Variants in TNS3 observed in about 807,000 individuals in gnomAD.
TNS3 encodes tensin-3.
TNS3 carries 45 observed loss-of-function variants against 140.9 expected under a neutral mutation model. The observed-to-expected ratio is 0.32, with a 90% CI of 0.25 to 0.41. TNS3 has a LOEUF of 0.41. Ranked by LOEUF, TNS3 falls within the 10% of genes least tolerant of loss-of-function variation. The pLI, the probability that TNS3 is intolerant of heterozygous loss-of-function variation, is 1.00. For missense variants in TNS3, 1,716 were observed against 1,906.7 expected (o/e 0.90, Z 1.86); for synonymous variants, 815 against 788.4 (o/e 1.03, Z -0.56).
intron 1 of TNS3, among the ~76,000 whole-genome samples, chr7:47,548,708 C>T (rs1799985610): frequency 6.6e-6 from 1 of 152,106 alleles, no homozygotes; most frequent in Non-Finnish European, 1.5e-5. Flanking sequence ...ACCCCCAGGC[C>T]GGCTGTCACC....
At chr7:47,292,470 TCAA>T (rs925168129) in intron 26 of TNS3, among the ~76,000 whole-genome samples, 3 of 152,238 alleles carry the variant, frequency 2.0e-5, no homozygotes, top group African/African-American at 7.2e-5. Context: ...TCATCTAAGT[TCAA>T]CAACATCAAC....
intron 20 of TNS3, among the ~76,000 whole-genome samples, chr7:47,338,450 C>A (rs935379156): frequency 6.6e-6 from 1 of 152,218 alleles, no homozygotes; most frequent in Non-Finnish European, 1.5e-5. Context: ...CATCTTTTCA[C>A]GTGCTCATAA....
chr7:47,498,964 T>C (rs1300901875), intron 3 of TNS3, among the ~76,000 whole-genome samples: 1 of 152,250 alleles, frequency 6.6e-6, no homozygotes, highest in Non-Finnish European at 1.5e-5. Flanking sequence ...ACGCACTTCC[T>C]CAGTTGACAG....
At chr7:47,520,859 G>A (rs1014040505) in intron 2 of TNS3, among the ~76,000 whole-genome samples, 2 of 152,228 alleles carry the variant, frequency 1.3e-5, no homozygotes, top group Non-Finnish European at 2.9e-5. Flanking sequence ...GTGGGGCTGG[G>A]CTTGCCCTCA....
intron 1 of TNS3, among the ~76,000 whole-genome samples, chr7:47,548,762 A>G (rs1251775616): frequency 6.6e-6 from 1 of 151,978 alleles, no homozygotes; most frequent in Admixed American, 6.6e-5. Context: ...GACCACTCCA[A>G]GCTTCTTCTC....
intron 1 of TNS3, among the ~76,000 whole-genome samples, chr7:47,557,906 A>T (rs1364998897): frequency 3.3e-5 from 5 of 152,218 alleles, no homozygotes; most frequent in Non-Finnish European, 7.3e-5. Flanking sequence ...GAAGTCTCCA[A>T]ACTGGAAGGA....
intron 15 of TNS3, among the ~76,000 whole-genome samples, chr7:47,398,726 G>C (rs1333530402): frequency 6.6e-6 from 1 of 152,116 alleles, no homozygotes; most frequent in Non-Finnish European, 1.5e-5. Context: ...ATACTGAATG[G>C]GGAAAGGTTG....
At position 47,389,084 on chromosome 7, in the gene TNS3, G is replaced by GA. The variant is rs1176246161; in HGVS notation, c.1024+7715dup. Among the ~76,000 whole-genome samples, 14 of 73,272 alleles carry GA rather than the reference G, an allele frequency of 1.9e-4. No individual in the cohort carries two copies. The East Asian group carries it at 2.3e-3, about 12-fold the overall frequency. The allele number at this position is 73,272 out of a possible 152,430, so 48.1% of individuals were successfully genotyped here. The stretch of plus-strand genomic sequence containing the variant: ...AGAAGAAGAAGAAGAAGAAGAAGAA[G>GA]AGGAAGAGGAAGAGGAAGCGGAAGC... On this transcript the variant is annotated intron_variant, in intron 16 of 30. Transcript: ENST00000311160.
chr7:47,375,201 G>A (rs572474220), intron 16 of TNS3, among the ~76,000 whole-genome samples: 11 of 152,264 alleles, frequency 7.2e-5, no homozygotes, highest in Non-Finnish European at 1.0e-4. Context: ...CTTCAGCTGC[G>A]GATGCAGGAG....
At chr7:47,309,701 G>C (rs6971049) in intron 20 of TNS3, among the ~76,000 whole-genome samples, 150,883 of 152,350 alleles carry the variant, frequency 0.99, 74,732 homozygotes, top group Middle Eastern at 1. Context: ...ACTGCAGGTC[G>C]TCAAGAAAGG....
At chr7:47,375,209 G>A (rs866268854) in intron 16 of TNS3, among the ~76,000 whole-genome samples, 1 of 152,166 alleles carries the variant, frequency 6.6e-6, no homozygotes, top group African/African-American at 2.4e-5. Context: ...GCGGATGCAG[G>A]AGGAGAACCT....
chr7:47,288,924 G>A (rs554724699), intron 27 of TNS3, among the ~76,000 whole-genome samples: 20 of 152,264 alleles, frequency 1.3e-4, no homozygotes, highest in African/African-American at 4.1e-4. Context: ...GAACATGGCC[G>A]GAAACCCATG....
At chr7:47,555,055 A>G (rs1584852858) in intron 1 of TNS3, among the ~76,000 whole-genome samples, 2 of 152,056 alleles carry the variant, frequency 1.3e-5, no homozygotes, top group East Asian at 3.9e-4. Context: ...TCTACCCTTG[A>G]TAAAGAAGAT....
At chr7:47,419,635 A>T (rs1379286718) in intron 10 of TNS3, among the ~76,000 whole-genome samples, 1 of 152,226 alleles carries the variant, frequency 6.6e-6, no homozygotes. Flanking sequence ...GACTTAAAAG[A>T]TTACTCTGGG....
rs190598404 is a variant in TNS3, at chr7:47,529,177, G to A, written c.-264-30C>T. ...AAAAGTAAAGGAAGAAATTGTCAAC[G>A]TTTCATCTCATAGTTTGTTTCTTTT... On this transcript the variant is annotated intron_variant, in intron 1 of 30. Coordinates refer to ENST00000311160, the MANE Select transcript of TNS3 (RefSeq NM_022748.12). 2.6e-4 allele frequency: 288 copies of A among 1,126,028 alleles called. 1 individual carries two copies. The highest frequency in any genetic ancestry group is 3.0e-4 in the Non-Finnish European group (254 of 857,738). The allele number at this position is 1,126,028 out of a possible 1,614,324, so 69.8% of individuals were successfully genotyped here.
At chr7:47,475,590 C>T (rs551225659) in intron 4 of TNS3, among the ~76,000 whole-genome samples, 9 of 152,306 alleles carry the variant, frequency 5.9e-5, no homozygotes, top group South Asian at 2.1e-4. Flanking sequence ...CCCAGGAGGC[C>T]GGGCGGGGAA....
At position 47,540,645 on chromosome 7, in the gene TNS3, G is replaced by C. The variant is rs115653059; in HGVS notation, c.-264-11498C>G. On this transcript the variant is annotated intron_variant, in intron 1 of 30. Transcript: ENST00000311160. ...CGATCTACACGCAGTGTTAGGAGGG[G>C]GCACGGAGTCCACAGATCATGGGAA... Among the ~76,000 whole-genome samples the C allele has an allele frequency of 2.8e-3, 426 of 152,338 alleles. 1 individual carries two copies. The highest frequency in any genetic ancestry group is 9.7e-3 in the African/African-American group (404 of 41,582).
At chr7:47,324,976 T>C (rs896903850) in intron 20 of TNS3, among the ~76,000 whole-genome samples, 2 of 151,998 alleles carry the variant, frequency 1.3e-5, no homozygotes, top group African/African-American at 4.8e-5. Flanking sequence ...ACTTTTCTCG[T>C]GATGATAAAT....
chr7:47,578,263 T>C (rs951929654), intron 1 of TNS3, among the ~76,000 whole-genome samples: 2 of 151,994 alleles, frequency 1.3e-5, no homozygotes, highest in African/African-American at 4.8e-5. Context: ...TGAGCTGAGA[T>C]GGCCCGACTG....
Sources: gnomAD v4.1 joint callset for allele counts (sites outside exome capture counted in the v4.1 genomes callset) on GRCh38, gnomAD v4.1.1 for gene constraint, MANE v1.5 for transcripts, NCBI Gene and HGNC (gene_info 2026-07-23, HGNC 2026-07-21) for gene names.